The following RBMS1 variants were observed in gnomAD, a reference collection of about 807,000 sequenced individuals.
RBMS1 encodes the protein RNA-binding motif, single-stranded-interacting protein 1.
In RBMS1, 17 loss-of-function variants were observed where a neutral mutation model predicts 62.3. The ratio of observed to expected loss-of-function variants is 0.27; its 90% confidence interval spans 0.19 to 0.41. The LOEUF (loss-of-function observed/expected upper bound fraction) is 0.41, where lower values mean the gene tolerates loss of function less well. Among genes scored for constraint, RBMS1 ranks in the 10% least tolerant of loss-of-function variants. The probability of loss-of-function intolerance (pLI) is 1.00; values close to 1 mark genes in which losing one functional copy is unlikely to be tolerated. For missense variants in RBMS1, 334 were observed against 504.5 expected (o/e 0.66, Z 3.24); for synonymous variants, 172 against 170.0 (o/e 1.01, Z -0.09).
chr2:160,393,218 T>C (rs1157777767), intron 1 of RBMS1, among the ~76,000 whole-genome samples: 1 of 152,148 alleles, frequency 6.6e-6, no homozygotes, highest in African/African-American at 2.4e-5. Context: ...AGAAAAATGG[T>C]CAAAATTCAG....
chr2:160,311,581 A>C (rs1338854153), intron 4 of RBMS1, among the ~76,000 whole-genome samples: 1 of 152,080 alleles, frequency 6.6e-6, no homozygotes, highest in Admixed American at 6.6e-5. Context: ...GTAGCAGAAG[A>C]CAGTATAAAA....
chr2:160,465,095 T>A (rs1409462126), intron 1 of RBMS1, among the ~76,000 whole-genome samples: 1 of 152,204 alleles, frequency 6.6e-6, no homozygotes, highest in Non-Finnish European at 1.5e-5. Flanking sequence ...ATAATCACCA[T>A]GACAAAAAGT....
chr2:160,276,365 C>CCAG lies in RBMS1; in HGVS notation c.1144-652_1144-651insCTG, dbSNP rs1553498727. 4.8e-4 allele frequency among the ~76,000 whole-genome samples: 72 copies of CCAG among 151,230 alleles called. 3 individuals carry two copies. The highest frequency in any genetic ancestry group is 1.0e-3 in the Non-Finnish European group (69 of 67,760). On this transcript the variant is annotated intron_variant, in intron 12 of 13. Transcript: ENST00000348849. ...ACCACCACCACCACCACCACCACCA[C>CCAG]CACCAACACCTACTACTACTACTAC...
chr2:160,433,696 T>G, intron 1 of RBMS1, among the ~76,000 whole-genome samples: 1 of 152,238 alleles, frequency 6.6e-6, no homozygotes, highest in East Asian at 1.9e-4. Flanking sequence ...AATTTTCTGA[T>G]TCTGATCTGC....
chr2:160,387,493 C>T (rs1309946462), intron 1 of RBMS1, among the ~76,000 whole-genome samples: 1 of 152,018 alleles, frequency 6.6e-6, no homozygotes, highest in Non-Finnish European at 1.5e-5. Flanking sequence ...GTCTGGGTGC[C>T]TCTCTGATTA....
In RBMS1 at chr2:160,493,260, G is replaced by A. The variant is rs571570748; in HGVS notation, c.75+29C>T. On this transcript the variant is annotated intron_variant, in intron 1 of 13. Coordinates refer to ENST00000348849, the MANE Select transcript of RBMS1 (RefSeq NM_016836.4). ...GCGCGTCCCCGGGCCCCCTCCTCCGGCCGTCACCTCTCCCCGGCGCCCCTT... is the reference window on the plus strand; with the variant it reads ...GCGCGTCCCCGGGCCCCCTCCTCCGACCGTCACCTCTCCCCGGCGCCCCTT... The A allele has an allele frequency of 3.9e-5, 62 of 1,606,166 alleles. No individual in the cohort carries two copies. The East Asian group carries it at 1.3e-3, about 35-fold the overall frequency.
chr2:160,452,007 A>C (rs1438414741), intron 1 of RBMS1, among the ~76,000 whole-genome samples: 1 of 152,180 alleles, frequency 6.6e-6, no homozygotes, highest in Non-Finnish European at 1.5e-5. Context: ...CTATCTAATG[A>C]AAACCAAATA....
At chr2:160,493,141 C>T (rs1685923492) in intron 1 of RBMS1, 148 bp downstream of exon 1, 2 of 779,036 alleles carry the variant, frequency 2.6e-6, no homozygotes, top group African/African-American at 1.8e-5. Context: ...CCCGGCTCTG[C>T]CCAGGCCAGC....
At chr2:160,340,590 C>T (rs2105993794) in intron 2 of RBMS1, among the ~76,000 whole-genome samples, 1 of 151,826 alleles carries the variant, frequency 6.6e-6, no homozygotes, top group East Asian at 1.9e-4. Context: ...GAGGCAGGTG[C>T]AAATTCAAGT....
chr2:160,407,260 C>T (rs1695779587), intron 1 of RBMS1, among the ~76,000 whole-genome samples: 1 of 152,220 alleles, frequency 6.6e-6, no homozygotes, highest in African/African-American at 2.4e-5. Flanking sequence ...TCCTCCACTT[C>T]CCACCCTGCC....
chr2:160,493,216 T>A, intron 1 of RBMS1, 73 bp downstream of exon 1: 3 of 1,415,462 alleles, frequency 2.1e-6, no homozygotes, highest in Non-Finnish European at 2.9e-6. Context: ...CGCGCCCCCC[T>A]CCCCAGGCCT....
chr2:160,391,834 C>T (rs539661785), intron 1 of RBMS1, among the ~76,000 whole-genome samples: 7 of 152,064 alleles, frequency 4.6e-5, no homozygotes, highest in South Asian at 2.1e-4. Context: ...AAAAATTAGC[C>T]GGGCGTGGTG....
At chr2:160,360,063 CAACAGA>C (rs1376219669) in intron 2 of RBMS1, among the ~76,000 whole-genome samples, 1 of 152,094 alleles carries the variant, frequency 6.6e-6, no homozygotes, top group Admixed American at 6.6e-5. Flanking sequence ...CCAGCCTAGG[CAACAGA>C]GTGAGACTCT....
At chr2:160,298,588 A>C (rs1689058410) in intron 6 of RBMS1, among the ~76,000 whole-genome samples, 2 of 152,090 alleles carry the variant, frequency 1.3e-5, no homozygotes, top group Admixed American at 1.3e-4. Flanking sequence ...GACAGGTGCA[A>C]AAGTAGTCAA....
At position 160,329,145 on chromosome 2, in the gene RBMS1, A is replaced by G. The variant is rs180999769; in HGVS notation, c.252-10918T>C. Among the ~76,000 whole-genome samples, 309 of 152,338 alleles carry G rather than the reference A, an allele frequency of 2.0e-3. 2 individuals carry two copies. The highest frequency in any genetic ancestry group is 7.2e-3 in the African/African-American group (299 of 41,582). On this transcript the variant is annotated intron_variant, in intron 2 of 13. Transcript: ENST00000348849. ...TCAAACGTAGTCCATCCTTTTCTCA[A>G]GTAATAAATCCTGACTGCCCTGTGA...
At chr2:160,406,428 C>T (rs1011102451) in intron 1 of RBMS1, among the ~76,000 whole-genome samples, 4 of 152,230 alleles carry the variant, frequency 2.6e-5, no homozygotes, top group Admixed American at 2.6e-4. Context: ...CCACGGTCTG[C>T]ATGGAAGGCT....
chr2:160,390,111 A>G (rs1694781058), intron 1 of RBMS1, among the ~76,000 whole-genome samples: 2 of 152,172 alleles, frequency 1.3e-5, no homozygotes, highest in Non-Finnish European at 2.9e-5. Context: ...TAGTGGTGCA[A>G]CCCATCCCTT....
chr2:160,329,865 C>A (rs2105982010), intron 2 of RBMS1, among the ~76,000 whole-genome samples: 1 of 151,930 alleles, frequency 6.6e-6, no homozygotes, highest in Admixed American at 6.6e-5. Context: ...GATAGGATGG[C>A]AAAATGCTAT....
chr2:160,407,100 G>A (rs888809296), intron 1 of RBMS1, among the ~76,000 whole-genome samples: 4 of 152,098 alleles, frequency 2.6e-5, no homozygotes, highest in Non-Finnish European at 5.9e-5. Context: ...GGTTCCTAGC[G>A]AAGACTGCAC....
Sources: allele counts gnomAD v4.1 joint callset (sites outside exome capture counted in the v4.1 genomes callset), GRCh38; gene constraint gnomAD v4.1.1; transcripts MANE v1.5; gene names NCBI Gene and HGNC (gene_info 2026-07-23, HGNC 2026-07-21).